The following SLC24A2 variants were observed in gnomAD, a reference collection of about 807,000 sequenced individuals.
SLC24A2 encodes the protein sodium/potassium/calcium exchanger 2.
Under a neutral mutation model 62.0 loss-of-function variants are expected in SLC24A2, and 36 were observed. The ratio of observed to expected loss-of-function variants is 0.58; its 90% CI spans 0.44 to 0.77. SLC24A2 has a LOEUF of 0.77. Among genes scored for constraint, SLC24A2 ranks in the 30% least tolerant of loss-of-function variants. The probability of loss-of-function intolerance (pLI) is 0.00; values close to 1 mark genes in which losing one functional copy is unlikely to be tolerated. For synonymous variants in SLC24A2, 358 were observed against 294.0 expected (o/e 1.22, Z -2.23); for missense variants, 846 against 817.9 (o/e 1.03, Z -0.42).
intron 2 of SLC24A2, among the ~76,000 whole-genome samples, chr9:19,783,136 A>G (rs187302766): frequency 2.6e-4 from 40 of 152,348 alleles, no homozygotes; most frequent in African/African-American, 8.9e-4. Flanking sequence ...ATCATCAACA[A>G]TGGAACCAAA....
chr9:19,719,860 T>C (rs1259259211), intron 2 of SLC24A2, among the ~76,000 whole-genome samples: 2 of 152,318 alleles, frequency 1.3e-5, no homozygotes, highest in East Asian at 3.9e-4. Context: ...ACCTAGAAAC[T>C]GTGTTCATCA....
At chr9:20,093,912 T>A in the SLC24A2 span, among the ~76,000 whole-genome samples, 1 of 152,212 alleles carries the variant, frequency 6.6e-6, no homozygotes, top group East Asian at 1.9e-4. Flanking sequence ...TTGTATCTCA[T>A]GTAGCCCATA....
chr9:20,045,867 T>C, the SLC24A2 span, among the ~76,000 whole-genome samples: 12 of 152,092 alleles, frequency 7.9e-5, no homozygotes, highest in African/African-American at 2.9e-4. Flanking sequence ...GTGTGAGCGG[T>C]CAAGTGTCTT....
the SLC24A2 span, among the ~76,000 whole-genome samples, chr9:20,124,967 G>A: frequency 3.3e-5 from 5 of 152,130 alleles, no homozygotes; most frequent in Non-Finnish European, 7.4e-5. Context: ...AAAGAGCATG[G>A]ACAAACAATA....
chr9:19,995,271 C>T, the SLC24A2 span, among the ~76,000 whole-genome samples: 2 of 152,122 alleles, frequency 1.3e-5, no homozygotes, highest in South Asian at 4.1e-4. Flanking sequence ...ATCAATTCAA[C>T]ATTAAACTTT....
intron 2 of SLC24A2, among the ~76,000 whole-genome samples, chr9:19,649,016 A>AC (rs1587094373): frequency 6.6e-6 from 1 of 151,482 alleles, no homozygotes; most frequent in Non-Finnish European, 1.5e-5. Flanking sequence ...AAAAAAAAAA[A>AC]AAACAAAAAA....
the SLC24A2 span, among the ~76,000 whole-genome samples, chr9:20,257,992 G>C: frequency 1.3e-5 from 2 of 152,164 alleles, no homozygotes; most frequent in East Asian, 1.9e-4. Context: ...AGCAAGGTGA[G>C]TGCTGAGAAT....
At chr9:20,087,895 G>A in the SLC24A2 span, among the ~76,000 whole-genome samples, 12 of 152,234 alleles carry the variant, frequency 7.9e-5, no homozygotes, top group Admixed American at 4.6e-4. Context: ...CTAGAGGAGC[G>A]TCCCCTACCC....
the SLC24A2 span, among the ~76,000 whole-genome samples, chr9:20,085,619 C>T: frequency 6.6e-6 from 1 of 152,174 alleles, no homozygotes; most frequent in South Asian, 2.1e-4. Context: ...TCTACTCATT[C>T]AGTTCACCAT....
At chr9:19,546,289 C>T (rs1469296530) in intron 8 of SLC24A2, among the ~76,000 whole-genome samples, 1 of 152,254 alleles carries the variant, frequency 6.6e-6, no homozygotes, top group African/African-American at 2.4e-5. Flanking sequence ...GCTGCACCTA[C>T]AACCGCCCCT....
the SLC24A2 span, among the ~76,000 whole-genome samples, chr9:19,964,057 A>G: frequency 6.6e-6 from 1 of 152,036 alleles, no homozygotes; most frequent in Non-Finnish European, 1.5e-5. Flanking sequence ...TGATGAGTTC[A>G]TGTCCTTTGT....
intron 2 of SLC24A2, among the ~76,000 whole-genome samples, chr9:19,641,231 T>G (rs1275293693): frequency 2.0e-5 from 3 of 152,248 alleles, no homozygotes; most frequent in African/African-American, 7.2e-5. Flanking sequence ...TACTGACTTC[T>G]CAGTCTTGGG....
intron 5 of SLC24A2, among the ~76,000 whole-genome samples, chr9:19,577,903 A>T (rs1374506513): frequency 6.6e-6 from 1 of 150,814 alleles, no homozygotes; most frequent in Non-Finnish European, 1.5e-5. Flanking sequence ...AATACTATGC[A>T]GCCATAAAAA....
the SLC24A2 span, among the ~76,000 whole-genome samples, chr9:20,149,683 ACTTTT>A: frequency 2.0e-5 from 3 of 152,092 alleles, no homozygotes. Context: ...CAACAATATT[ACTTTT>A]CTTTTGACTT....
chr9:20,219,398 C>A, the SLC24A2 span, among the ~76,000 whole-genome samples: 1 of 152,166 alleles, frequency 6.6e-6, no homozygotes, highest in East Asian at 1.9e-4. Context: ...AAGAGTGAGA[C>A]CTTCTGAGTA....
chr9:19,664,343 A>G (rs1163683710), intron 2 of SLC24A2, among the ~76,000 whole-genome samples: 1 of 152,246 alleles, frequency 6.6e-6, no homozygotes, highest in Non-Finnish European at 1.5e-5. Context: ...AAATTTTTAA[A>G]GAAAAAAGTC....
At chr9:20,267,923 C>T in the SLC24A2 span, among the ~76,000 whole-genome samples, 4 of 152,030 alleles carry the variant, frequency 2.6e-5, no homozygotes, top group African/African-American at 9.7e-5. Flanking sequence ...GAGAATAGGG[C>T]CCTCAACCCT....
chr9:19,635,828 C>T (rs923133859), intron 2 of SLC24A2, among the ~76,000 whole-genome samples: 1 of 152,128 alleles, frequency 6.6e-6, no homozygotes, highest in African/African-American at 2.4e-5. Context: ...ACATCTTTGC[C>T]TTTAAACGTT....
chr9:19,723,065 G>A (rs1393913591), intron 2 of SLC24A2, among the ~76,000 whole-genome samples: 1 of 152,102 alleles, frequency 6.6e-6, no homozygotes, highest in Admixed American at 6.6e-5. Flanking sequence ...ATTGGGGCTT[G>A]GGGGTGGTAG....
Sources: gnomAD v4.1 joint callset for allele counts (sites outside exome capture counted in the v4.1 genomes callset) on GRCh38, gnomAD v4.1.1 for gene constraint, MANE v1.5 for transcripts, NCBI Gene and HGNC (gene_info 2026-07-23, HGNC 2026-07-21) for gene names.